RSPH14: variants seen among roughly 807,000 people sequenced by gnomAD.
The protein encoded by RSPH14 is radial spoke head 14 homolog, also known as rhabdoid tumor deletion region gene 1.
Under a neutral mutation model 26.7 loss-of-function variants are expected in RSPH14, and 20 were observed. The observed-to-expected ratio is 0.75, with a 90% CI of 0.53 to 1.09. RSPH14 has a LOEUF of 1.09. RSPH14 is among the 50% of genes least tolerant of loss of function. The probability of loss-of-function intolerance (pLI) is 0.00; values close to 1 mark genes in which losing one functional copy is unlikely to be tolerated. For missense variants in RSPH14, 449 were observed against 457.2 expected (o/e 0.98, Z 0.16); for synonymous variants, 177 against 189.3 (o/e 0.93, Z 0.53).
At chr22:23,166,894 A>G in the RSPH14 span, among the ~76,000 whole-genome samples, 1 of 152,028 alleles carries the variant, frequency 6.6e-6, no homozygotes, top group African/African-American at 2.4e-5. Context: ...CTCCTGGGGG[A>G]GTAGCAAGAG....
upstream of RSPH14, chr22:23,145,014 A>G: frequency 4.0e-6 from 1 of 252,034 alleles, no homozygotes; most frequent in East Asian, 7.5e-5. Flanking sequence ...TATGATATTC[A>G]GACAGCACTG....
At chr22:23,158,443 TGAGAA>T in the RSPH14 span, among the ~76,000 whole-genome samples, 17 of 152,180 alleles carry the variant, frequency 1.1e-4, no homozygotes, top group Non-Finnish European at 4.4e-5. Flanking sequence ...CTTGCAGTCT[TGAGAA>T]GAGAGAATTG....
At chr22:23,081,730 G>A (rs536904798) in intron 4 of RSPH14, among the ~76,000 whole-genome samples, 2 of 149,430 alleles carry the variant, frequency 1.3e-5, no homozygotes, top group East Asian at 4.0e-4. Flanking sequence ...GCTGAGGCAG[G>A]AGAATCACTT....
At chr22:23,145,427 C>T (rs1569201432), upstream of RSPH14, 2 of 1,610,748 alleles carry the variant, frequency 1.2e-6, no homozygotes, top group Middle Eastern at 1.7e-4. Flanking sequence ...ACGCAGACCC[C>T]GCCCACGACG....
At chr22:23,101,781 C>A (rs1451086622) in intron 4 of RSPH14, among the ~76,000 whole-genome samples, 1 of 152,208 alleles carries the variant, frequency 6.6e-6, no homozygotes, top group Non-Finnish European at 1.5e-5. Flanking sequence ...ACTGGGCTCC[C>A]AAGGACTGGA....
intron 4 of RSPH14, among the ~76,000 whole-genome samples, chr22:23,082,515 G>A (rs766329954): frequency 4.3e-4 from 66 of 151,856 alleles, no homozygotes; most frequent in Admixed American, 8.5e-4. Context: ...CACCGCGCCC[G>A]GCCTCGTTGT....
chr22:23,077,851 T>A (rs2068548922), intron 4 of RSPH14, among the ~76,000 whole-genome samples: 1 of 152,162 alleles, frequency 6.6e-6, no homozygotes, highest in South Asian at 2.1e-4. Context: ...TGACCCCCTG[T>A]GAACTGGTGG....
chr22:23,087,801 C>A (rs1292602254), intron 4 of RSPH14, among the ~76,000 whole-genome samples: 1 of 152,188 alleles, frequency 6.6e-6, no homozygotes, highest in Non-Finnish European at 1.5e-5. Flanking sequence ...GTTTATTGAT[C>A]TGGGTGGGGC....
chr22:23,146,536 A>G, upstream of RSPH14: 1 of 1,568,994 alleles, frequency 6.4e-7, no homozygotes. Context: ...AGTTAGGTGG[A>G]AACTCATGGG....
At chr22:23,138,726 A>G in intron 3 of RSPH14, 114 bp downstream of exon 3, 1 of 885,828 alleles carries the variant, frequency 1.1e-6, no homozygotes, top group Non-Finnish European at 1.7e-6. Flanking sequence ...AAGCCCCTGC[A>G]AAAACTGATG....
intron 4 of RSPH14, chr22:23,124,530 A>G (rs1297177641): frequency 3.3e-6 from 1 of 305,536 alleles, no homozygotes; most frequent in Non-Finnish European, 7.3e-6. Flanking sequence ...AATAAACACG[A>G]CATATTTAAA....
At chr22:23,073,058 G>A (rs769052614) in intron 4 of RSPH14, among the ~76,000 whole-genome samples, 2 of 152,226 alleles carry the variant, frequency 1.3e-5, no homozygotes, top group Admixed American at 6.5e-5. Flanking sequence ...ACATGTGTGC[G>A]GCTTCCTCCC....
the RSPH14 span, among the ~76,000 whole-genome samples, chr22:23,167,675 G>A: frequency 3.9e-5 from 6 of 152,112 alleles, no homozygotes; most frequent in East Asian, 1.9e-4. Context: ...AAATTGACAC[G>A]TTCACTCATT....
intron 4 of RSPH14, among the ~76,000 whole-genome samples, chr22:23,073,032 C>T (rs1033782110): frequency 6.6e-6 from 1 of 152,244 alleles, no homozygotes; most frequent in African/African-American, 2.4e-5. Flanking sequence ...TGAATTTAGT[C>T]ATCTTGTGTG....
At chr22:23,130,622 T>A (rs990272648) in intron 4 of RSPH14, among the ~76,000 whole-genome samples, 8 of 152,166 alleles carry the variant, frequency 5.3e-5, no homozygotes, top group African/African-American at 1.9e-4. Flanking sequence ...TGGTTTGAAA[T>A]GATATTTGCA....
At chr22:23,160,448 G>A in the RSPH14 span, among the ~76,000 whole-genome samples, 3 of 152,242 alleles carry the variant, frequency 2.0e-5, no homozygotes, top group Non-Finnish European at 2.9e-5. Context: ...AAGGCTCCAT[G>A]TGGGGGCTGA....
chr22:23,180,575 GCGGCGGCGGCGGCGGCA>G, the RSPH14 span: 5 of 38,876 alleles, frequency 1.3e-4, no homozygotes, highest in African/African-American at 1.2e-3. Flanking sequence ...CGAGGAGGCG[GCGGCGGCGGCGGCGGCA>G]CGGCGGCGGC....
chr22:23,095,297 CACACCAGCG>C (rs2069093379), intron 4 of RSPH14: 1 of 229,860 alleles, frequency 4.4e-6, no homozygotes, highest in Admixed American at 5.2e-5. Context: ...CTGCAGGGAG[CACACCAGCG>C]ACCGGCCCTC....
Position 23,138,944 on chromosome 22 carries a change from T to TATA in RSPH14, c.200-3_200-2insTAT. Reference sequence around the variant, plus strand: ...AAGCTTTCAGGTTCTCCATACAGCCTAGAAAAAAAAAAAAAAACAAACAAA... The same window carrying TATA: ...AAGCTTTCAGGTTCTCCATACAGCCTATAAGAAAAAAAAAAAAAAACAAACAAA... On this transcript the variant is annotated splice_region_variant and splice_polypyrimidine_tract_variant and intron_variant, in intron 2 of 6. Coordinates refer to ENST00000216036, the MANE Select transcript of RSPH14 (RefSeq NM_014433.3). 1.4e-6 allele frequency: 2 copies of TATA among 1,397,258 alleles called. No homozygotes were observed. Among genetic ancestry groups the TATA allele is most frequent in the Non-Finnish European group, 1.9e-6 (2 of 1,062,358 alleles). 86.6% of individuals were successfully genotyped at this position (1,397,258 alleles called of 1,614,324 possible).
Sources: gnomAD v4.1 joint callset for allele counts (sites outside exome capture counted in the v4.1 genomes callset) on GRCh38, gnomAD v4.1.1 for gene constraint, MANE v1.5 for transcripts, NCBI Gene and HGNC (gene_info 2026-07-23, HGNC 2026-07-21) for gene names.